The following NCKAP1 variants were observed in gnomAD, a reference collection of about 807,000 sequenced individuals.
The protein encoded by NCKAP1 is NCK associated protein 1.
Under a neutral mutation model 151.2 loss-of-function variants are expected in NCKAP1, and 21 were observed. The observed-to-expected ratio is 0.14, with a 90% confidence interval of 0.10 to 0.20. The LOEUF (loss-of-function observed/expected upper bound fraction) is 0.20. Among genes scored for constraint, NCKAP1 ranks in the 10% least tolerant of loss-of-function variants. The pLI is 1.00. For missense variants in NCKAP1, 933 were observed against 1,352.1 expected (o/e 0.69, Z 4.86); for synonymous variants, 484 against 451.8 (o/e 1.07, Z -0.90).
chr2:182,926,925 A>G lies in NCKAP1; in HGVS notation c.3181-20T>C. The G allele has an allele frequency of 6.6e-7, 1 of 1,508,776 alleles. No homozygotes were observed. The highest frequency in any genetic ancestry group is 9.1e-7 in the Non-Finnish European group (1 of 1,097,904). The allele number at this position is 1,508,776 out of a possible 1,614,324, so 93.5% of individuals were successfully genotyped here. ...TGCAAGCTTAAAAGTATACATACACATAAAGTGAGTTTGTTAATAAAAGGT... is the reference window on the plus strand; with the variant it reads ...TGCAAGCTTAAAAGTATACATACACGTAAAGTGAGTTTGTTAATAAAAGGT... On this transcript the variant is annotated intron_variant, in intron 29 of 30. Coordinates refer to ENST00000361354, the MANE Select transcript of NCKAP1 (RefSeq NM_013436.5).
chr2:182,968,209 G>A (rs1697615112), intron 15 of NCKAP1, among the ~76,000 whole-genome samples: 1 of 152,122 alleles, frequency 6.6e-6, no homozygotes. Context: ...TGTATAGTGA[G>A]GAAAATAGGG....
chr2:183,008,879 A>G (rs1481734996), intron 2 of NCKAP1, among the ~76,000 whole-genome samples: 1 of 152,222 alleles, frequency 6.6e-6, no homozygotes, highest in Non-Finnish European at 1.5e-5. Context: ...TGACATATGC[A>G]TATCAAATAT....
chr2:183,010,675 A>C (rs1391652990), intron 2 of NCKAP1, among the ~76,000 whole-genome samples: 1 of 152,220 alleles, frequency 6.6e-6, no homozygotes, highest in Admixed American at 6.5e-5. Context: ...TAGATGGTCA[A>C]ATTAAAGCAA....
intron 10 of NCKAP1, among the ~76,000 whole-genome samples, chr2:182,984,130 A>G (rs1015897354): frequency 1.3e-5 from 2 of 152,254 alleles, no homozygotes; most frequent in Non-Finnish European, 2.9e-5. Context: ...GTATCTGGTT[A>G]TCTATATTCT....
In NCKAP1 at chr2:182,915,440, T is replaced by A. The variant is rs1696452068; in HGVS notation, c.*10262A>T. The stretch of plus-strand genomic sequence containing the variant: ...ATGTGACAGGAATAGCACAACTCAC[T>A]AGAGCAGGTATCAGCTGCTCCCTCT... On this transcript the variant is annotated 3_prime_UTR_variant, in exon 31 of 31. Coordinates refer to ENST00000361354, the MANE Select transcript of NCKAP1 (RefSeq NM_013436.5). The A allele has an allele frequency of 6.6e-6, 1 of 152,216 alleles. No homozygotes were observed. Among genetic ancestry groups the A allele is most frequent in the South Asian group, 2.1e-4 (1 of 4,830 alleles). The allele number at this position is 152,216 out of a possible 1,614,324, so 9.4% of individuals were successfully genotyped here. A position where few individuals can be genotyped will look rare whatever the true frequency, so the allele number is the denominator to read the frequency against.
At position 182,925,815 on chromosome 2, in the gene NCKAP1, C is replaced by T. The variant is rs201165928; in HGVS notation, c.3274G>A (p.Val1092Ile). The change falls in exon 31 of 31, where the codon GTA becomes ATA. Residue 1092 changes from valine to isoleucine, a missense_variant. By Grantham distance (29) the Val-to-Ile change is conservative (BLOSUM62 3). Around this residue, in one of 2 missense-constraint regions of NCKAP1, gnomAD observed 326 missense variants for 557.1 expected, o/e 0.59. Coordinates refer to ENST00000361354, the MANE Select transcript of NCKAP1 (RefSeq NM_013436.5). ...ATTGTAAGGAATGGAGATTCTTGTA[C>T]AATCTGTAAAATTCAAAAAATCCAT... ...ESVYLLLDMI[V>I]QESPFLTMDL... 1 of 1,518,674 alleles carries T rather than the reference C, an allele frequency of 6.6e-7. No homozygotes were observed. Among genetic ancestry groups the T allele is most frequent in the Non-Finnish European group, 8.8e-7 (1 of 1,130,562 alleles). The allele number at this position is 1,518,674 out of a possible 1,614,324, so 94.1% of individuals were successfully genotyped here.
At chr2:182,994,794 C>T (rs755867326) in intron 8 of NCKAP1, 45 bp downstream of exon 8, 1 of 1,499,556 alleles carries the variant, frequency 6.7e-7, no homozygotes, top group Non-Finnish European at 9.3e-7. Flanking sequence ...TTCTCTAAAA[C>T]ATAAAGCCTG....
intron 17 of NCKAP1, among the ~76,000 whole-genome samples, chr2:182,962,516 A>C (rs1697477422): frequency 1.3e-5 from 2 of 152,100 alleles, no homozygotes; most frequent in African/African-American, 4.8e-5. Context: ...GGAGTCTTGA[A>C]AAATCAGTAT....
rs375094107 is a variant in NCKAP1 at position 182,994,776 on chromosome 2, T to C, written c.790+63A>G. On this transcript the variant is annotated intron_variant, in intron 8 of 30. Transcript: ENST00000361354. Reference sequence around the variant, plus strand: ...GCACAGAGGTAGTAACCATGTCACCTGCTATTTTTCTCTAAAACATAAAGC... The same window carrying C: ...GCACAGAGGTAGTAACCATGTCACCCGCTATTTTTCTCTAAAACATAAAGC... 4.9e-4 allele frequency: 656 copies of C among 1,344,128 alleles called. 3 individuals are homozygous for C. The highest frequency in any genetic ancestry group is 6.6e-4 in the Non-Finnish European group (624 of 940,354). The allele number at this position is 1,344,128 out of a possible 1,614,324, so 83.3% of individuals were successfully genotyped here.
chr2:183,003,419 C>T (rs1299790022), intron 2 of NCKAP1, 94 bp from the exon 3 acceptor site: 8 of 757,986 alleles, frequency 1.1e-5, no homozygotes, highest in Non-Finnish European at 1.7e-5. Flanking sequence ...TATATGGAAG[C>T]ACAAGCTTTT....
chr2:182,959,865 CT>C (rs1321922169), intron 18 of NCKAP1, among the ~76,000 whole-genome samples: 2 of 152,100 alleles, frequency 1.3e-5, no homozygotes, highest in Non-Finnish European at 2.9e-5. Context: ...AAATCTCAAG[CT>C]GATAGGCAAC....
chr2:182,923,136 A>G lies in NCKAP1; in HGVS notation c.*2566T>C, dbSNP rs1244735098. The G allele has an allele frequency of 6.6e-6, 1 of 152,248 alleles. No homozygotes were observed. The highest frequency in any genetic ancestry group is 1.5e-5 in the Non-Finnish European group (1 of 68,040). 9.4% of individuals were successfully genotyped at this position (152,248 alleles called of 1,614,324 possible). A position where few individuals can be genotyped will look rare whatever the true frequency, so the allele number is the denominator to read the frequency against. ...ATACTTGCTTAAATAAGTGAATGAAAAAGCAGCAGAAAGGAAGCAATTTTA... is the reference window on the plus strand; with the variant it reads ...ATACTTGCTTAAATAAGTGAATGAAGAAGCAGCAGAAAGGAAGCAATTTTA... On this transcript the variant is annotated 3_prime_UTR_variant, in exon 31 of 31. Coordinates refer to ENST00000361354, the MANE Select transcript of NCKAP1 (RefSeq NM_013436.5).
intron 24 of NCKAP1, among the ~76,000 whole-genome samples, chr2:182,938,624 A>T (rs1696930173): frequency 6.6e-6 from 1 of 152,184 alleles, no homozygotes; most frequent in Admixed American, 6.6e-5. Flanking sequence ...GATGAAAAAG[A>T]GGCCAGTTTA....
At chr2:183,004,741 G>A (rs1239811044) in intron 2 of NCKAP1, among the ~76,000 whole-genome samples, 1 of 151,876 alleles carries the variant, frequency 6.6e-6, no homozygotes, top group Non-Finnish European at 1.5e-5. Context: ...AAAATTAGCT[G>A]GGCATGGTGG....
chr2:182,983,226 G>A, intron 11 of NCKAP1, 60 bp downstream of exon 11: 1 of 1,337,742 alleles, frequency 7.5e-7, no homozygotes, highest in Admixed American at 2.1e-5. Flanking sequence ...ATTTCACTTA[G>A]AAACGTTTTT....
intron 26 of NCKAP1, among the ~76,000 whole-genome samples, chr2:182,932,270 T>C (rs1370812358): frequency 6.6e-6 from 1 of 151,868 alleles, no homozygotes; most frequent in Non-Finnish European, 1.5e-5. Flanking sequence ...ACCCATACAA[T>C]GAAACATTAT....
intron 20 of NCKAP1, 52 bp from the exon 21 acceptor site, chr2:182,953,383 G>A (rs1226253717): frequency 6.7e-6 from 9 of 1,336,690 alleles, no homozygotes; most frequent in Non-Finnish European, 9.3e-6. Context: ...TTCCATTCAT[G>A]TAAAATAAAC....
chr2:182,963,772 A>G (rs372876680), intron 17 of NCKAP1, among the ~76,000 whole-genome samples: 4 of 151,888 alleles, frequency 2.6e-5, no homozygotes, highest in Admixed American at 2.6e-4. Context: ...AGTTTGGGAG[A>G]AAAAAATCTA....
chr2:182,991,525 C>T (rs1191992809), intron 8 of NCKAP1, among the ~76,000 whole-genome samples: 1 of 152,004 alleles, frequency 6.6e-6, no homozygotes, highest in Non-Finnish European at 1.5e-5. Context: ...TGCCACTGCA[C>T]TCCAGCCTGG....
Sources: gnomAD v4.1 joint callset for allele counts (sites outside exome capture counted in the v4.1 genomes callset) on GRCh38, gnomAD v4.1.1 for gene constraint, gnomAD v4.1.1 regional missense constraint, MANE v1.5 for transcripts, NCBI Gene and HGNC (gene_info 2026-07-23, HGNC 2026-07-21) for gene names.